Variants in HERPUD1 observed in about 807,000 individuals in gnomAD.
HERPUD1 encodes homocysteine-responsive endoplasmic reticulum-resident ubiquitin-like domain member 1 protein.
HERPUD1 carries 17 observed loss-of-function variants against 45.0 expected under a neutral mutation model. The observed-to-expected ratio is 0.38, with a 90% CI of 0.26 to 0.57. The LOEUF is 0.57. HERPUD1 is among the 20% of genes least tolerant of loss of function. The pLI is 0.72. For synonymous variants in HERPUD1, 164 were observed against 177.5 expected (o/e 0.92, Z 0.61); for missense variants, 420 against 490.5 (o/e 0.86, Z 1.36).
intron 1 of HERPUD1, among the ~76,000 whole-genome samples, chr16:56,934,127 G>A (rs7204290): frequency 0.33 from 49,910 of 152,100 alleles, 9,004 homozygotes; most frequent in African/African-American, 0.49. Flanking sequence ...TTTATTCCAG[G>A]TTTCGCATAA....
At position 56,940,012 on chromosome 16, in the gene HERPUD1, G is replaced by A; in HGVS notation, c.672G>A (p.Gln224=). 2 of 1,614,176 alleles carry A rather than the reference G, an allele frequency of 1.2e-6. No individual in the cohort carries two copies. Among genetic ancestry groups the A allele is most frequent in the Non-Finnish European group, 1.7e-6 (2 of 1,180,034 alleles). Residue 224 remains glutamine, a synonymous_variant, in exon 6 of 8, where the codon CAG becomes CAA. Coordinates refer to ENST00000439977, the MANE Select transcript of HERPUD1 (RefSeq NM_014685.4). ...ACAACCAGTTTCCAGCTGAAAACCA[G>A]CCTGCCAATCAGAATGCTGCTCCTC... ...PIHNQFPAEN[Q]PANQNAAPQV...
At chr16:56,933,106 C>T (rs1419932174) in intron 1 of HERPUD1, 8 of 369,248 alleles carry the variant, frequency 2.2e-5, no homozygotes, top group Non-Finnish European at 4.2e-5. Flanking sequence ...CTGGCCACCA[C>T]GTGATGAGGC....
At chr16:56,938,562 CA>C (rs35730351) in intron 4 of HERPUD1, among the ~76,000 whole-genome samples, 85,376 of 135,912 alleles carry the variant, frequency 0.63, 26,279 homozygotes, top group African/African-American at 0.79. Context: ...GACTCCATCT[CA>C]AAAAAAAAAA....
intron 3 of HERPUD1, 55 bp from the exon 4 acceptor site, chr16:56,936,632 A>G (rs1234634925): frequency 6.7e-7 from 1 of 1,488,228 alleles, no homozygotes; most frequent in African/African-American, 1.4e-5. Context: ...CTTTTGCTTG[A>G]TTTCAGACAG....
Position 56,942,124 on chromosome 16 carries a change from C to T in HERPUD1, c.906-8C>T, listed in dbSNP as rs145901102. The T allele has an allele frequency of 6.2e-7, 1 of 1,610,652 alleles. No individual in the cohort carries two copies. Among genetic ancestry groups the T allele is most frequent in the African/African-American group, 1.3e-5 (1 of 74,842 alleles). On this transcript the variant is annotated splice_polypyrimidine_tract_variant and splice_region_variant and intron_variant, in intron 6 of 7. Transcript: ENST00000439977. ...GCTAAGATGGACTTTTATGTGCTTC[C>T]TTTGAAGGCATCACGTTGGGTGGTT...
rs2055930732 is a variant in HERPUD1, at chr16:56,943,799, A to G, written c.*509A>G. ...ATTGCTTTTTAAAATGCAGTGCTTT[A>G]CTTTAAACTAAGGGGAACTTTGCGG... On this transcript the variant is annotated 3_prime_UTR_variant, in exon 8 of 8. Transcript: ENST00000439977. 1 of 222,642 alleles carries G rather than the reference A, an allele frequency of 4.5e-6. No individual in the cohort carries two copies. The highest frequency in any genetic ancestry group is 9.2e-6 in the Non-Finnish European group (1 of 108,326). 13.8% of individuals were successfully genotyped at this position (222,642 alleles called of 1,614,324 possible).
At position 56,936,785 on chromosome 16, in the gene HERPUD1, C is replaced by A. The variant is rs1476929288; in HGVS notation, c.399C>A (p.Asn133Lys). Reference sequence around the variant, plus strand: ...TAAGGCAAAGGGAAGTTCTTCGGAACCTTTCTTCCCCTGGATGGGAAAACA... The same window carrying A: ...TAAGGCAAAGGGAAGTTCTTCGGAAACTTTCTTCCCCTGGATGGGAAAACA... Reference protein sequence around the residue: ...DGLRQREVLRNLSSPGWENIS... With the variant: ...DGLRQREVLRKLSSPGWENIS... Residue 133 changes from asparagine (N) to lysine (K), a missense_variant, in exon 4 of 8, where the codon AAC becomes AAA. Transcript: ENST00000439977. 1.2e-6 allele frequency: 2 copies of A among 1,614,024 alleles called. No individual in the cohort carries two copies. Among genetic ancestry groups the A allele is most frequent in the African/African-American group, 1.3e-5 (1 of 75,030 alleles).
intron 6 of HERPUD1, chr16:56,941,121 T>A (rs2055906523): frequency 6.6e-6 from 1 of 151,686 alleles, no homozygotes; most frequent in Non-Finnish European, 1.5e-5. Context: ...AAACCACAAG[T>A]ATGTAGCCAT....
At chr16:56,939,579 C>T (rs2055893609) in intron 5 of HERPUD1, among the ~76,000 whole-genome samples, 1 of 152,198 alleles carries the variant, frequency 6.6e-6, no homozygotes, top group South Asian at 2.1e-4. Flanking sequence ...AGTTTAGTGA[C>T]TTTATTTAGA....
At position 56,935,436 on chromosome 16, in the gene HERPUD1, T is replaced by C. The variant is rs1431468861; in HGVS notation, c.261T>C (p.Asn87=). 1.9e-6 allele frequency: 3 copies of C among 1,614,242 alleles called. No individual in the cohort carries two copies. The South Asian group carries it at 3.3e-5, about 18-fold the overall frequency. ...EKRHVLHLVC[N]VKSPSKMPEI... is the part of the protein sequence containing the mutation. Reference sequence around the variant, plus strand: ...GGCATGTTTTGCATCTGGTGTGCAATGTGAAGAGTCCTTCAAAAATGCCAG... The same window carrying C: ...GGCATGTTTTGCATCTGGTGTGCAACGTGAAGAGTCCTTCAAAAATGCCAG... Residue 87 remains asparagine (N), a synonymous_variant, in exon 3 of 8, where the codon AAT becomes AAC. Transcript: ENST00000439977.
rs2055931288 is a variant in HERPUD1 at position 56,943,843 on chromosome 16, G to C, written c.*553G>C. The C allele has an allele frequency of 4.9e-6, 1 of 203,918 alleles. No individual in the cohort carries two copies. The allele number at this position is 203,918 out of a possible 1,614,324, so 12.6% of individuals were successfully genotyped here. On this transcript the variant is annotated 3_prime_UTR_variant, in exon 8 of 8. Transcript: ENST00000439977. ...TTTGCGGAGGTGAAAACCTTTGCTG[G>C]GTTTTCTGTTCAATAAAGTTTTACT...
intron 7 of HERPUD1, 102 bp downstream of exon 7, chr16:56,942,339 G>T (rs1176406967): frequency 5.7e-6 from 4 of 697,158 alleles, no homozygotes; most frequent in Non-Finnish European, 7.5e-6. Context: ...CATTTTATTG[G>T]GCTAAATATT....
At chr16:56,940,416 C>A in intron 6 of HERPUD1, 171 bp downstream of exon 6, 1 of 587,092 alleles carries the variant, frequency 1.7e-6, no homozygotes. Flanking sequence ...AAGCGATTCT[C>A]CTGCCTCAGC....
intron 1 of HERPUD1, among the ~76,000 whole-genome samples, chr16:56,934,536 CT>C (rs1324495130): frequency 6.6e-6 from 1 of 152,010 alleles, no homozygotes; most frequent in Non-Finnish European, 1.5e-5. Flanking sequence ...TTTTGGGGCA[CT>C]GCTGGGTGAT....
chr16:56,934,168 G>A (rs181982154), intron 1 of HERPUD1, among the ~76,000 whole-genome samples: 4 of 152,276 alleles, frequency 2.6e-5, no homozygotes, highest in Non-Finnish European at 5.9e-5. Context: ...AGATTAACAC[G>A]TTAGTGATCT....
intron 7 of HERPUD1, among the ~76,000 whole-genome samples, chr16:56,942,495 G>A (rs1249410756): frequency 3.9e-5 from 6 of 152,198 alleles, no homozygotes; most frequent in Admixed American, 1.3e-4. Context: ...TATTTTGAGC[G>A]TTCAGTGGTC....
At chr16:56,936,080 C>T (rs1037105375) in intron 3 of HERPUD1, 2 of 152,848 alleles carry the variant, frequency 1.3e-5, no homozygotes, top group African/African-American at 4.8e-5. Context: ...CACACGAAAC[C>T]ATTTATTTTT....
In HERPUD1 at chr16:56,939,921, C is replaced by T; in HGVS notation, c.581C>T (p.Ala194Val). 1.2e-6 allele frequency: 2 copies of T among 1,611,290 alleles called. No homozygotes were observed. The highest frequency in any genetic ancestry group is 1.7e-6 in the Non-Finnish European group (2 of 1,177,572). ...TTAGCAGCCACTGCTGCATCAGGGGCTTTTGTTCCACCACCAAGTGCACAA... is the reference window on the plus strand; with the variant it reads ...TTAGCAGCCACTGCTGCATCAGGGGTTTTTGTTCCACCACCAAGTGCACAA... ...QYLAATAASG[A>V]FVPPPSAQEI... The change falls in exon 6 of 8, where the codon GCT (alanine) becomes GTT (valine). Residue 194 changes from alanine to valine, a missense_variant. Physicochemically the swap from Ala to Val is moderately conservative, Grantham distance 64. Coordinates refer to ENST00000439977, the MANE Select transcript of HERPUD1 (RefSeq NM_014685.4).
rs2055922514 is a variant in HERPUD1, at chr16:56,943,005, G to A, written c.1012-121G>A. 4 of 993,970 alleles carry A rather than the reference G, an allele frequency of 4.0e-6. No homozygotes were observed. The African/African-American group carries it at 6.5e-5, about 16-fold the overall frequency. 61.6% of individuals were successfully genotyped at this position (993,970 alleles called of 1,614,324 possible). On this transcript the variant is annotated intron_variant, in intron 7 of 7. Transcript: ENST00000439977. The stretch of plus-strand genomic sequence containing the variant: ...TTCCCTGGGGTCCTGGCTGCCTGCT[G>A]CTGTGCCTATGGGGCAGGGGGCAGG...
Sources: gnomAD v4.1 joint callset for allele counts (sites outside exome capture counted in the v4.1 genomes callset) on GRCh38, gnomAD v4.1.1 for gene constraint, MANE v1.5 for transcripts, NCBI Gene and HGNC (gene_info 2026-07-23, HGNC 2026-07-21) for gene names.